Variants in PTPRT observed in about 807,000 individuals in gnomAD.
PTPRT encodes receptor-type tyrosine-protein phosphatase T.
PTPRT carries 56 observed loss-of-function variants against 176.8 expected under a neutral mutation model. That is an observed-to-expected ratio of 0.32 (90% CI 0.26 to 0.40). The LOEUF is 0.40. Ranked by LOEUF, PTPRT falls within the 10% of genes least tolerant of loss-of-function variation. PTPRT has a pLI of 1.00. For synonymous variants in PTPRT, 783 were observed against 739.0 expected (o/e 1.06, Z -0.96); for missense variants, 1,540 against 1,908.2 (o/e 0.81, Z 3.60).
chr20:42,187,012 GC>G (rs1990808691), intron 16 of PTPRT, among the ~76,000 whole-genome samples: 2 of 152,084 alleles, frequency 1.3e-5, no homozygotes, highest in African/African-American at 4.8e-5. Context: ...TTCATTTTCA[GC>G]CCCATATAAT....
At chr20:43,078,359 A>G (rs1031983042) in intron 1 of PTPRT, among the ~76,000 whole-genome samples, 4 of 152,206 alleles carry the variant, frequency 2.6e-5, no homozygotes, top group Non-Finnish European at 4.4e-5. Context: ...ACCTGTGAAG[A>G]TAAGGAATAG....
intron 1 of PTPRT, among the ~76,000 whole-genome samples, chr20:42,982,198 T>C (rs1256270048): frequency 6.6e-6 from 1 of 152,164 alleles, no homozygotes; most frequent in East Asian, 1.9e-4. Context: ...AGTTTCTGCC[T>C]ACACTTACCA....
At chr20:42,509,775 T>C (rs1238125914) in intron 7 of PTPRT, among the ~76,000 whole-genome samples, 1 of 152,080 alleles carries the variant, frequency 6.6e-6, no homozygotes, top group Non-Finnish European at 1.5e-5. Flanking sequence ...TACCTGCTGT[T>C]TCAGACTGAT....
chr20:42,744,974 A>C (rs934973028), intron 6 of PTPRT, among the ~76,000 whole-genome samples: 1 of 152,186 alleles, frequency 6.6e-6, no homozygotes, highest in Non-Finnish European at 1.5e-5. Flanking sequence ...AGGGAGGCAC[A>C]TGTGCTTGGT....
At chr20:43,036,596 G>A (rs1379888470) in intron 1 of PTPRT, among the ~76,000 whole-genome samples, 1 of 152,042 alleles carries the variant, frequency 6.6e-6, no homozygotes, top group Non-Finnish European at 1.5e-5. Context: ...GAATTCCAAA[G>A]ATTAAATTCT....
chr20:42,055,109 A>G, the PTPRT span, among the ~76,000 whole-genome samples: 2 of 152,250 alleles, frequency 1.3e-5, no homozygotes, highest in African/African-American at 4.8e-5. Flanking sequence ...TCTTCCCAAC[A>G]CAAGGTACAT....
At chr20:42,873,462 G>A (rs896454372) in intron 2 of PTPRT, among the ~76,000 whole-genome samples, 2 of 152,162 alleles carry the variant, frequency 1.3e-5, no homozygotes, top group Non-Finnish European at 2.9e-5. Flanking sequence ...GGGAATACAA[G>A]TGACGTCATA....
chr20:42,225,086 T>A (rs1165877403), intron 15 of PTPRT, among the ~76,000 whole-genome samples: 1 of 152,234 alleles, frequency 6.6e-6, no homozygotes, highest in East Asian at 1.9e-4. Flanking sequence ...CTTGTTGATA[T>A]CACCACGGGT....
intron 1 of PTPRT, among the ~76,000 whole-genome samples, chr20:42,999,634 TGG>T (rs1555815049): frequency 3.2e-4 from 48 of 150,364 alleles, no homozygotes; most frequent in Non-Finnish European, 4.4e-4. Flanking sequence ...GTTGTTGTTG[TGG>T]TGGTTGTTGT....
rs201228742 is a variant in PTPRT, at chr20:42,573,745, C to CTTTTTTT, written c.1154-101184_1154-101183insAAAAAAA. On this transcript the variant is annotated intron_variant, in intron 7 of 30. Transcript: ENST00000373187. The stretch of plus-strand genomic sequence containing the variant: ...AAATGGCAAGACGGACCCTTTCTTT[C>CTTTTTTT]TTTCTTTTTTTTTTTTTTTTTGAGA... 3.4e-3 allele frequency among the ~76,000 whole-genome samples: 391 copies of CTTTTTTT among 115,318 alleles called. 9 individuals carry two copies. Among genetic ancestry groups the CTTTTTTT allele is most frequent in the Middle Eastern group, 5.6e-3 (1 of 180 alleles). The allele number at this position is 115,318 out of a possible 152,430, so 75.7% of individuals were successfully genotyped here.
intron 13 of PTPRT, among the ~76,000 whole-genome samples, chr20:42,274,536 A>AGTGT (rs529883269): frequency 0.019 from 2,199 of 113,228 alleles, 30 homozygotes; most frequent in East Asian, 0.056. Flanking sequence ...GGCCCTGTAC[A>AGTGT]GTGTGTGTGT....
intron 7 of PTPRT, among the ~76,000 whole-genome samples, chr20:42,613,146 A>C (rs2074002803): frequency 1.3e-5 from 2 of 152,218 alleles, no homozygotes; most frequent in African/African-American, 4.8e-5. Context: ...GGACCATTCC[A>C]AAAACTTTAA....
intron 8 of PTPRT, among the ~76,000 whole-genome samples, chr20:42,448,943 T>TGGGCTGCATGCAGCCCAG (rs1234378134): frequency 6.6e-6 from 1 of 152,130 alleles, no homozygotes; most frequent in Admixed American, 6.5e-5. Flanking sequence ...AAAGCCATCC[T>TGGGCTGCATGCAGCCCAG]GGGCTGCATG....
At chr20:43,020,407 C>G (rs206150) in intron 1 of PTPRT, among the ~76,000 whole-genome samples, 1 of 151,772 alleles carries the variant, frequency 6.6e-6, no homozygotes, top group Non-Finnish European at 1.5e-5. Flanking sequence ...GAGGCACAGA[C>G]GGCAACAGTG....
chr20:42,677,450 A>T (rs2075524797), intron 7 of PTPRT, among the ~76,000 whole-genome samples: 1 of 152,144 alleles, frequency 6.6e-6, no homozygotes, highest in Non-Finnish European at 1.5e-5. Flanking sequence ...ACCCTCAGAG[A>T]AACACGGCCA....
chr20:43,015,371 G>A (rs1985319029), intron 1 of PTPRT, among the ~76,000 whole-genome samples: 1 of 152,188 alleles, frequency 6.6e-6, no homozygotes, highest in Non-Finnish European at 1.5e-5. Context: ...GTGCAAAAGT[G>A]CTAACTCCAT....
At chr20:42,099,899 T>C (rs1985761016) in intron 26 of PTPRT, among the ~76,000 whole-genome samples, 2 of 152,178 alleles carry the variant, frequency 1.3e-5, no homozygotes, top group Admixed American at 6.5e-5. Context: ...GGCAAATAAT[T>C]TATTTTCCAA....
At chr20:42,069,136 A>C (rs952739546), downstream of PTPRT, among the ~76,000 whole-genome samples, 9 of 152,194 alleles carry the variant, frequency 5.9e-5, no homozygotes, top group South Asian at 2.1e-4. Flanking sequence ...CTGAAACCCT[A>C]CATCTGGCTT....
At chr20:42,931,389 A>C (rs1003953027) in intron 1 of PTPRT, among the ~76,000 whole-genome samples, 6 of 152,232 alleles carry the variant, frequency 3.9e-5, no homozygotes, top group African/African-American at 1.4e-4. Flanking sequence ...AAAACTGGCC[A>C]GAACCTTGAT....
Sources: allele counts gnomAD v4.1 joint callset (sites outside exome capture counted in the v4.1 genomes callset), GRCh38; gene constraint gnomAD v4.1.1; transcripts MANE v1.5; gene names NCBI Gene and HGNC (gene_info 2026-07-23, HGNC 2026-07-21).